NEK11: variants seen among roughly 807,000 people sequenced by gnomAD.
NEK11 encodes the protein NIMA related kinase 11.
In NEK11, 72 loss-of-function variants were observed where a neutral mutation model predicts 80.7. The ratio of observed to expected loss-of-function variants is 0.89; its 90% CI spans 0.74 to 1.08. The LOEUF is 1.08. NEK11 is among the 50% of genes least tolerant of loss of function. NEK11 has a pLI of 0.00. For synonymous variants in NEK11, 251 were observed against 260.7 expected, an observed-to-expected ratio of 0.96 and a Z score of 0.36; for missense variants, 764 against 763.6, an observed-to-expected ratio of 1.00 and a Z score of -0.01.
chr3:131,067,991 T>G (rs979616639), intron 3 of NEK11, among the ~76,000 whole-genome samples: 1 of 152,172 alleles, frequency 6.6e-6, no homozygotes, highest in Non-Finnish European at 1.5e-5. Flanking sequence ...TGAGTTCCAG[T>G]GTTCTCATCT....
chr3:131,243,999 T>TG (rs2095557936), intron 16 of NEK11, among the ~76,000 whole-genome samples: 4 of 151,866 alleles, frequency 2.6e-5, no homozygotes, highest in Admixed American at 2.6e-4. Context: ...TAGTTTCTTC[T>TG]ATTTTTTTTT....
chr3:131,213,482 A>T (rs973762148), intron 14 of NEK11, among the ~76,000 whole-genome samples: 1 of 152,328 alleles, frequency 6.6e-6, no homozygotes, highest in East Asian at 1.9e-4. Flanking sequence ...GTGCATTCCA[A>T]TGTACATGAC....
chr3:131,234,043 CTGAT>C (rs1234990409), intron 15 of NEK11, among the ~76,000 whole-genome samples: 2 of 152,228 alleles, frequency 1.3e-5, no homozygotes, highest in African/African-American at 2.4e-5. Context: ...TTCTCCTCCA[CTGAT>C]GATAGAGTAA....
At chr3:131,030,424 T>C (rs568508661) in intron 3 of NEK11, among the ~76,000 whole-genome samples, 1 of 152,328 alleles carries the variant, frequency 6.6e-6, no homozygotes, top group African/African-American at 2.4e-5. Context: ...GAAAATAAGA[T>C]GTTTGGGCAT....
Position 131,158,904 on chromosome 3 carries a change from T to C in NEK11, c.963-3504T>C, listed in dbSNP as rs1456144265. ...TCCATCAGAGTGTAGTGACCAGCTG[T>C]CCAGGAGCACATAGGCCCCCCCAGC... On this transcript the variant is annotated intron_variant, in intron 10 of 17. Coordinates refer to ENST00000383366, the MANE Select transcript of NEK11 (RefSeq NM_024800.5). 2.0e-5 allele frequency among the ~76,000 whole-genome samples: 3 copies of C among 152,148 alleles called. No individual in the cohort carries two copies. The East Asian group carries it at 5.8e-4, about 29-fold the overall frequency.
intron 17 of NEK11, among the ~76,000 whole-genome samples, chr3:131,282,357 A>G (rs1328402068): frequency 6.6e-6 from 1 of 151,584 alleles, no homozygotes; most frequent in Admixed American, 6.6e-5. Flanking sequence ...ATATGTGGAC[A>G]TTGTGTTTAT....
chr3:131,330,337 G>C (rs536656818), intron 17 of NEK11: 3 of 152,270 alleles, frequency 2.0e-5, no homozygotes, highest in Non-Finnish European at 2.9e-5. Flanking sequence ...CATCCACACA[G>C]AAGTGTCAAG....
At chr3:131,306,144 T>C (rs2096721274) in intron 17 of NEK11, among the ~76,000 whole-genome samples, 1 of 152,202 alleles carries the variant, frequency 6.6e-6, no homozygotes. Context: ...CTATCTACTT[T>C]ATCCATTAGA....
At chr3:131,087,235 C>CTTTTTTT (rs59630167) in intron 4 of NEK11, among the ~76,000 whole-genome samples, 7 of 81,210 alleles carry the variant, frequency 8.6e-5, no homozygotes, top group Non-Finnish European at 1.2e-4. Flanking sequence ...TATGCAAATT[C>CTTTTTTT]TTTTTTTTTT....
At chr3:131,329,914 T>C (rs1380511022) in intron 17 of NEK11, 1 of 152,232 alleles carries the variant, frequency 6.6e-6, no homozygotes, top group Non-Finnish European at 1.5e-5. Context: ...ACCTTTACTC[T>C]GAGATGAAGA....
Position 131,335,390 on chromosome 3 carries a change from C to G in NEK11, c.1719-14167C>G, listed in dbSNP as rs547927231. 2.1e-3 allele frequency among the ~76,000 whole-genome samples: 327 copies of G among 152,290 alleles called. 2 individuals are homozygous for G. The highest frequency in any genetic ancestry group is 7.3e-3 in the African/African-American group (304 of 41,552). On this transcript the variant is annotated intron_variant, in intron 17 of 17. Coordinates refer to ENST00000383366, the MANE Select transcript of NEK11 (RefSeq NM_024800.5). ...AACCACATGATTATCTCAATAGATG[C>G]AGAAAAGGCCTTTGACAAAATTCAA...
chr3:131,336,983 G>T (rs922183027), intron 17 of NEK11, among the ~76,000 whole-genome samples: 5 of 152,068 alleles, frequency 3.3e-5, no homozygotes, highest in Non-Finnish European at 5.9e-5. Flanking sequence ...TGGAGAGGAT[G>T]TGGAGAAATA....
chr3:131,293,280 A>G (rs2096561756), intron 17 of NEK11, among the ~76,000 whole-genome samples: 1 of 152,056 alleles, frequency 6.6e-6, no homozygotes, highest in South Asian at 2.1e-4. Flanking sequence ...TAGTTTACTG[A>G]GAATTTTTAT....
intron 17 of NEK11, among the ~76,000 whole-genome samples, chr3:131,334,416 C>A (rs2097146785): frequency 6.6e-6 from 1 of 151,356 alleles, no homozygotes; most frequent in Non-Finnish European, 1.5e-5. Flanking sequence ...TCTTTGAAAC[C>A]AATGAGAACA....
At chr3:131,135,012 T>G (rs560356376) in intron 7 of NEK11, among the ~76,000 whole-genome samples, 1 of 152,358 alleles carries the variant, frequency 6.6e-6, no homozygotes, top group African/African-American at 2.4e-5. Flanking sequence ...TAAATAGTTC[T>G]GAGCTTTCAA....
chr3:131,121,464 T>C (rs1024225768), intron 5 of NEK11, among the ~76,000 whole-genome samples: 26 of 152,218 alleles, frequency 1.7e-4, no homozygotes, highest in South Asian at 4.1e-4. Flanking sequence ...GTCTGTCCGT[T>C]CTCAGATCTC....
chr3:131,257,650 T>C (rs1271206266), intron 16 of NEK11, among the ~76,000 whole-genome samples: 1 of 152,114 alleles, frequency 6.6e-6, no homozygotes, highest in African/African-American at 2.4e-5. Flanking sequence ...CTGCTGACGA[T>C]AGTGAGAGCT....
chr3:131,195,521 A>AAGGTCCT (rs2093967237), intron 14 of NEK11, among the ~76,000 whole-genome samples: 1 of 151,946 alleles, frequency 6.6e-6, no homozygotes, highest in African/African-American at 2.4e-5. Flanking sequence ...CCTCAGTTTA[A>AAGGTCCT]AGGTCCTATT....
At chr3:131,338,266 G>GTTT (rs1554023942) in intron 17 of NEK11, among the ~76,000 whole-genome samples, 2 of 94,074 alleles carry the variant, frequency 2.1e-5, no homozygotes, top group East Asian at 3.2e-4. Context: ...CGCCCAGCTG[G>GTTT]TTTTTTTTTT....
Sources: allele counts gnomAD v4.1 joint callset (sites outside exome capture counted in the v4.1 genomes callset), GRCh38; gene constraint gnomAD v4.1.1; transcripts MANE v1.5; gene names NCBI Gene and HGNC (gene_info 2026-07-23, HGNC 2026-07-21).